The following CAP2 variants were observed in gnomAD, a reference collection of about 807,000 sequenced individuals.
The protein encoded by CAP2 is adenylyl cyclase-associated protein 2.
CAP2 carries 24 observed loss-of-function variants against 57.7 expected under a neutral mutation model. That is an observed-to-expected ratio of 0.42 (90% confidence interval 0.30 to 0.58). The LOEUF (loss-of-function observed/expected upper bound fraction) is 0.58, where lower values mean the gene tolerates loss of function less well. Among genes scored for constraint, CAP2 ranks in the 20% least tolerant of loss-of-function variants. CAP2 has a pLI of 0.22. For missense variants in CAP2, 501 were observed against 590.3 expected, an observed-to-expected ratio of 0.85 and a Z score of 1.57; for synonymous variants, 194 against 207.2, an observed-to-expected ratio of 0.94 and a Z score of 0.55.
At chr6:17,463,191 C>G in intron 4 of CAP2, 118 bp downstream of exon 4, 1 of 682,858 alleles carries the variant, frequency 1.5e-6, no homozygotes, top group Non-Finnish European at 2.6e-6. Context: ...ACTTACAGCA[C>G]GTGTATGTTC....
chr6:17,422,072 ATCTT>A (rs775974212), intron 2 of CAP2, among the ~76,000 whole-genome samples: 2 of 152,130 alleles, frequency 1.3e-5, no homozygotes, highest in Non-Finnish European at 2.9e-5. Flanking sequence ...GAGCATATTC[ATCTT>A]TCTTTCATTT....
At chr6:17,530,874 A>G (rs1016424172) in intron 7 of CAP2, 1 of 1,128,930 alleles carries the variant, frequency 8.9e-7, no homozygotes, top group Non-Finnish European at 1.3e-6. Flanking sequence ...CAGCTTAGAA[A>G]AATAATCATG....
At chr6:17,429,173 G>A (rs535170280) in intron 3 of CAP2, among the ~76,000 whole-genome samples, 88 of 152,244 alleles carry the variant, frequency 5.8e-4, no homozygotes, top group African/African-American at 2.0e-3. Context: ...GAGTGGCTGA[G>A]CCTCTTGTAT....
In CAP2 at chr6:17,426,555, C is replaced by T. The variant is rs78135185; in HGVS notation, c.122-35C>T. 875 of 1,504,394 alleles carry T rather than the reference C, an allele frequency of 5.8e-4. 7 individuals are homozygous for T. The African/African-American group carries it at 0.011, about 18-fold the overall frequency. The allele number at this position is 1,504,394 out of a possible 1,614,324, so 93.2% of individuals were successfully genotyped here. A position where few individuals can be genotyped will look rare whatever the true frequency, so the allele number is the denominator to read the frequency against. ...CGGCTAGTCCCAGGTTTTCATTCAA[C>T]GGCCAGGGAATAACAAACTGCTCCT... On this transcript the variant is annotated intron_variant, in intron 2 of 12. Transcript: ENST00000229922.
chr6:17,433,433 G>A (rs534206269), intron 3 of CAP2, among the ~76,000 whole-genome samples: 50 of 152,302 alleles, frequency 3.3e-4, no homozygotes, highest in Middle Eastern at 3.4e-3. Context: ...TTGGCTGACT[G>A]GTGAGAAGCA....
chr6:17,489,138 T>C (rs1761489439), intron 4 of CAP2, among the ~76,000 whole-genome samples: 1 of 152,082 alleles, frequency 6.6e-6, no homozygotes, highest in African/African-American at 2.4e-5. Context: ...AGAAACTACC[T>C]TTAAAGAAAA....
At chr6:17,404,380 C>G (rs1227563126) in intron 1 of CAP2, among the ~76,000 whole-genome samples, 1 of 152,030 alleles carries the variant, frequency 6.6e-6, no homozygotes, top group Non-Finnish European at 1.5e-5. Flanking sequence ...CCAAGGCGGG[C>G]AGATCACGAG....
chr6:17,523,462 G>C (rs1762435121), intron 7 of CAP2, among the ~76,000 whole-genome samples: 1 of 152,142 alleles, frequency 6.6e-6, no homozygotes, highest in Non-Finnish European at 1.5e-5. Context: ...TGAAGGGGGA[G>C]ACCCCGATGT....
rs920603831 is a variant in CAP2, at chr6:17,513,184, A to C, written c.531-665A>C. ...TAAGCATTTTACTAGCCCTTGGTTC[A>C]ATAAAATAGAGATAAAAATACTGGT... On this transcript the variant is annotated intron_variant, in intron 6 of 12. Coordinates refer to ENST00000229922, the MANE Select transcript of CAP2 (RefSeq NM_006366.3). This position sits in a 1 kb window ranked among gnomAD's most constrained non-coding sequence, Gnocchi z 4.3. Among the ~76,000 whole-genome samples, 1 of 152,206 alleles carries C rather than the reference A, an allele frequency of 6.6e-6. No individual in the cohort carries two copies. Among genetic ancestry groups the C allele is most frequent in the Admixed American group, 6.5e-5 (1 of 15,276 alleles).
chr6:17,495,601 G>C (rs1368540960), intron 4 of CAP2, among the ~76,000 whole-genome samples: 1 of 152,082 alleles, frequency 6.6e-6, no homozygotes, highest in Non-Finnish European at 1.5e-5. Context: ...GGAGTCCATG[G>C]GATTTATGGC....
intron 1 of CAP2, among the ~76,000 whole-genome samples, chr6:17,414,439 G>C (rs1447424970): frequency 6.6e-6 from 1 of 152,058 alleles, no homozygotes; most frequent in Non-Finnish European, 1.5e-5. Context: ...GGTGTGTGTT[G>C]TTTCTCTCTT....
chr6:17,428,677 T>C (rs1433388107), intron 3 of CAP2, among the ~76,000 whole-genome samples: 2 of 150,894 alleles, frequency 1.3e-5, no homozygotes, highest in East Asian at 3.9e-4. Context: ...TAATGCTAGA[T>C]GACGAGTTAG....
At chr6:17,481,658 G>A (rs1561799067) in intron 4 of CAP2, among the ~76,000 whole-genome samples, 1 of 152,116 alleles carries the variant, frequency 6.6e-6, no homozygotes, top group Non-Finnish European at 1.5e-5. Context: ...GTTTCCTACA[G>A]TGGCAAAATG....
chr6:17,470,195 G>A (rs146116217), intron 4 of CAP2, among the ~76,000 whole-genome samples: 9 of 152,248 alleles, frequency 5.9e-5, no homozygotes, highest in South Asian at 2.1e-4. Context: ...ATCTACTGGA[G>A]AATTAACTTG....
At chr6:17,470,421 T>G (rs1468129601) in intron 4 of CAP2, among the ~76,000 whole-genome samples, 1 of 152,252 alleles carries the variant, frequency 6.6e-6, no homozygotes. Context: ...GTTGTCTGAC[T>G]GCTTTAGCAA....
At chr6:17,414,590 C>T (rs1302838573) in intron 1 of CAP2, among the ~76,000 whole-genome samples, 5 of 152,116 alleles carry the variant, frequency 3.3e-5, no homozygotes, top group Admixed American at 1.3e-4. Flanking sequence ...GATCTCATTC[C>T]TTTTTACGGC....
chr6:17,522,316 A>G (rs921160402), intron 7 of CAP2, among the ~76,000 whole-genome samples: 2 of 152,224 alleles, frequency 1.3e-5, no homozygotes, highest in African/African-American at 4.8e-5. Context: ...TCATTTATTT[A>G]GTAATTCACT....
intron 4 of CAP2, among the ~76,000 whole-genome samples, chr6:17,472,239 C>G (rs1761038511): frequency 1.6e-5 from 1 of 60,912 alleles, no homozygotes; most frequent in Non-Finnish European, 2.9e-5. Flanking sequence ...GAGGCTGAGG[C>G]AGGAGAATGG....
At chr6:17,551,442 CA>C in intron 11 of CAP2, 21 bp from the exon 12 acceptor site, 1 of 1,570,882 alleles carries the variant, frequency 6.4e-7, no homozygotes, top group Non-Finnish European at 8.7e-7. Context: ...GCTTTGGTCC[CA>C]GGTATTTTTT....
Sources: gnomAD v4.1 joint callset for allele counts (sites outside exome capture counted in the v4.1 genomes callset) on GRCh38, gnomAD v4.1.1 for gene constraint, Gnocchi (gnomAD v3.1) non-coding constraint, MANE v1.5 for transcripts, NCBI Gene and HGNC (gene_info 2026-07-23, HGNC 2026-07-21) for gene names.